Variants in YES1 observed in about 807,000 individuals in gnomAD.
YES1 encodes the protein tyrosine-protein kinase Yes.
In YES1, 39 loss-of-function variants were observed where a neutral mutation model predicts 70.4. The observed-to-expected ratio is 0.55, with a 90% CI of 0.43 to 0.72. The LOEUF (loss-of-function observed/expected upper bound fraction) is 0.72, where lower values mean the gene tolerates loss of function less well. Among genes scored for constraint, YES1 ranks in the 30% least tolerant of loss-of-function variants. The pLI is 0.00. For synonymous variants in YES1, 198 were observed against 218.6 expected, an observed-to-expected ratio of 0.91 and a Z score of 0.83; for missense variants, 495 against 644.8, an observed-to-expected ratio of 0.77 and a Z score of 2.52.
chr18:757,672 A>G (rs893796809), intron 1 of YES1, among the ~76,000 whole-genome samples: 1 of 151,430 alleles, frequency 6.6e-6, no homozygotes, highest in Non-Finnish European at 1.5e-5. Flanking sequence ...AAATACAAAA[A>G]TTAGCTGGGC....
At chr18:725,533 A>G (rs1598881416) in intron 11 of YES1, among the ~76,000 whole-genome samples, 2 of 152,204 alleles carry the variant, frequency 1.3e-5, no homozygotes, top group Non-Finnish European at 2.9e-5. Flanking sequence ...CATTACTTTG[A>G]AACTCAATAC....
At chr18:751,883 A>AGCC (rs2080348942) in intron 2 of YES1, 79 bp from the exon 3 acceptor site, 2 of 841,152 alleles carry the variant, frequency 2.4e-6, no homozygotes, top group East Asian at 2.5e-5. Context: ...TGCCAGCCAA[A>AGCC]AAAAAAAAAG....
intron 1 of YES1, chr18:798,086 C>T (rs1198428437): frequency 2.0e-5 from 3 of 152,318 alleles, no homozygotes; most frequent in Non-Finnish European, 2.9e-5. Flanking sequence ...ATGAGCCTCA[C>T]TCTGAGAACC....
In YES1 at chr18:732,839, T is replaced by C; in HGVS notation, c.1418A>G (p.Tyr473Cys). 6.2e-7 allele frequency: 1 copy of C among 1,614,208 alleles called. No homozygotes were observed. Among genetic ancestry groups the C allele is most frequent in the Non-Finnish European group, 8.5e-7 (1 of 1,180,034 alleles). The change falls in exon 11 of 12, where the codon TAT becomes TGT. Residue 473 changes from tyrosine to cysteine, a missense_variant. Coordinates refer to ENST00000314574, the MANE Select transcript of YES1 (RefSeq NM_005433.4). ...TELVTKGRVP[Y>C]PGMVNREVLE... is the part of the protein sequence containing the mutation. ...GCTATAAAATGCAAGCTTACCTGGA[T>C]ATGGCACTCGGCCCTTTGTTACTAG...
At chr18:751,444 G>A (rs2080342074) in intron 3 of YES1, among the ~76,000 whole-genome samples, 1 of 152,024 alleles carries the variant, frequency 6.6e-6, no homozygotes, top group Non-Finnish European at 1.5e-5. Flanking sequence ...ACACTTGCAT[G>A]TACTCCCCTC....
Position 776,656 on chromosome 18 carries a change from T to A in YES1, c.-8-19821A>T, listed in dbSNP as rs371949378. On this transcript the variant is annotated intron_variant, in intron 1 of 11. Transcript: ENST00000314574. ...TCTGAAACATAAAAAGCATTAATAT[T>A]TTTTACATGAATGAATGCTTGCCTG... Among the ~76,000 whole-genome samples, 52 of 152,328 alleles carry A rather than the reference T, an allele frequency of 3.4e-4. No homozygotes were observed. The East Asian group carries it at 7.3e-3, about 21-fold the overall frequency.
At chr18:751,612 T>C (rs941059406) in intron 3 of YES1, 93 bp downstream of exon 3, 5 of 845,010 alleles carry the variant, frequency 5.9e-6, no homozygotes, top group African/African-American at 5.1e-5. Context: ...GCCCTACCTC[T>C]CTCATCTCTG....
intron 2 of YES1, among the ~76,000 whole-genome samples, chr18:753,300 G>C (rs2080365228): frequency 6.6e-6 from 1 of 152,060 alleles, no homozygotes; most frequent in Non-Finnish European, 1.5e-5. Flanking sequence ...CATTTTTGTG[G>C]TGAGAACACT....
intron 1 of YES1, among the ~76,000 whole-genome samples, chr18:802,807 G>C (rs1246395004): frequency 1.3e-5 from 2 of 151,982 alleles, no homozygotes; most frequent in Admixed American, 6.6e-5. Flanking sequence ...AAGGGGCCCA[G>C]CACAGTGGCT....
intron 1 of YES1, among the ~76,000 whole-genome samples, chr18:789,377 T>C (rs1598937174): frequency 6.7e-6 from 1 of 150,364 alleles, no homozygotes; most frequent in Non-Finnish European, 1.5e-5. Flanking sequence ...AGCCCAGGAG[T>C]TCAAGATCAG....
chr18:741,613 G>C (rs2145702651), intron 8 of YES1, among the ~76,000 whole-genome samples: 1 of 152,188 alleles, frequency 6.6e-6, no homozygotes, highest in Non-Finnish European at 1.5e-5. Context: ...AAACTAGCCT[G>C]GGAAACAGGG....
rs765723765 is a variant in YES1 at position 743,079 on chromosome 18, G to A, written c.899C>T (p.Thr300Met). The change falls in exon 8 of 12, where the codon ACG becomes ATG. Residue 300 changes from threonine (T) to methionine (M), a missense_variant. Around this residue, in one of 2 missense-constraint regions of YES1, gnomAD observed 385 missense variants for 540.9 expected, o/e 0.71. Coordinates refer to ENST00000314574, the MANE Select transcript of YES1 (RefSeq NM_005433.4). ...EVWMGTWNGT[T>M]KVAIKTLKPG... Reference sequence around the variant, plus strand: ...TTTTAGTGTTTTGATTGCTACTTTCGTGGTTCCATTCCATGTTCCTAAAGA... The same window carrying A: ...TTTTAGTGTTTTGATTGCTACTTTCATGGTTCCATTCCATGTTCCTAAAGA... 18 of 1,596,546 alleles carry A rather than the reference G, an allele frequency of 1.1e-5. No homozygotes were observed. The African/African-American group carries it at 1.6e-4, about 14-fold the overall frequency.
In YES1 at chr18:746,008, G is replaced by C; in HGVS notation, c.514C>G (p.Leu172Val). 3 of 1,612,866 alleles carry C rather than the reference G, an allele frequency of 1.9e-6. No homozygotes were observed. Among genetic ancestry groups the C allele is most frequent in the Middle Eastern group, 1.8e-4 (1 of 5,682 alleles). Residue 172 changes from leucine to valine, a missense_variant, in exon 5 of 12, where the codon CTT becomes GTT. Transcript: ENST00000314574. ...CCTCGTTGATTTCCAGGATTCAAAA[G>C]TAATCTTTCAGCATCTTTTCTCCCC... Reference protein sequence around the residue: ...KMGRKDAERLLLNPGNQRGIF... With the variant: ...KMGRKDAERLVLNPGNQRGIF...
At chr18:750,098 TTAAAA>T (rs1174757629) in intron 3 of YES1, among the ~76,000 whole-genome samples, 4 of 152,182 alleles carry the variant, frequency 2.6e-5, no homozygotes, top group African/African-American at 9.7e-5. Context: ...ACTGTCTAAA[TTAAAA>T]TGTTATAAAT....
At chr18:733,112 ATTCT>A in intron 10 of YES1, 147 bp from the exon 11 acceptor site, 3 of 637,516 alleles carry the variant, frequency 4.7e-6, no homozygotes, top group Non-Finnish European at 7.5e-6. Flanking sequence ...TGGGATAAAA[ATTCT>A]TTAATTTTTA....
intron 6 of YES1, among the ~76,000 whole-genome samples, chr18:745,261 A>T (rs1047770694): frequency 6.6e-6 from 1 of 152,224 alleles, no homozygotes; most frequent in African/African-American, 2.4e-5. Flanking sequence ...ATTTTCTAGG[A>T]TAAGAAAAAT....
intron 1 of YES1, among the ~76,000 whole-genome samples, chr18:785,418 G>C (rs943727277): frequency 2.6e-5 from 4 of 152,126 alleles, no homozygotes; most frequent in African/African-American, 7.2e-5. Context: ...GAGTGTTAGG[G>C]GGGAGAAAGA....
At chr18:792,304 G>A (rs965437486) in intron 1 of YES1, among the ~76,000 whole-genome samples, 4 of 151,788 alleles carry the variant, frequency 2.6e-5, no homozygotes, top group African/African-American at 7.3e-5. Context: ...ACTTCATCTC[G>A]AAAAACAAAC....
intron 1 of YES1, among the ~76,000 whole-genome samples, chr18:784,489 C>T (rs573654258): frequency 6.6e-6 from 1 of 152,324 alleles, no homozygotes; most frequent in South Asian, 2.1e-4. Flanking sequence ...CAAATTACCA[C>T]AAATTTAGTG....
Sources: allele counts gnomAD v4.1 joint callset (sites outside exome capture counted in the v4.1 genomes callset), GRCh38; gene constraint gnomAD v4.1.1; regional missense constraint gnomAD v4.1.1; transcripts MANE v1.5; gene names NCBI Gene and HGNC (gene_info 2026-07-23, HGNC 2026-07-21).